FRMD4A: variants seen among roughly 807,000 people sequenced by gnomAD.
FRMD4A encodes FERM domain-containing protein 4A.
In FRMD4A, 29 loss-of-function variants were observed where a neutral mutation model predicts 129.1. The observed-to-expected ratio is 0.22, with a 90% CI of 0.17 to 0.31. FRMD4A has a LOEUF of 0.31. Ranked by LOEUF, FRMD4A falls within the 10% of genes least tolerant of loss-of-function variation. The probability of loss-of-function intolerance (pLI) is 1.00; values close to 1 mark genes in which losing one functional copy is unlikely to be tolerated. For synonymous variants in FRMD4A, 634 were observed against 571.6 expected (o/e 1.11, Z -1.56); for missense variants, 1,272 against 1,375.8 (o/e 0.92, Z 1.19).
chr10:13,751,189 G>A (rs554259166), intron 8 of FRMD4A, among the ~76,000 whole-genome samples: 6 of 152,294 alleles, frequency 3.9e-5, no homozygotes, highest in East Asian at 3.9e-4. Context: ...GGAAGGGATC[G>A]TTTTACCCAC....
chr10:14,013,402 G>C (rs1441303796), intron 2 of FRMD4A, among the ~76,000 whole-genome samples: 1 of 152,128 alleles, frequency 6.6e-6, no homozygotes, highest in East Asian at 1.9e-4. Flanking sequence ...CTGAGAAGCA[G>C]GTTTGAAATC....
At chr10:14,190,956 G>A (rs921563745) in intron 2 of FRMD4A, among the ~76,000 whole-genome samples, 2 of 152,196 alleles carry the variant, frequency 1.3e-5, no homozygotes, top group African/African-American at 4.8e-5. Context: ...ACATGGGTGG[G>A]AATTCAGGCT....
At chr10:14,229,092 T>C (rs1212117052) in intron 2 of FRMD4A, among the ~76,000 whole-genome samples, 3 of 152,020 alleles carry the variant, frequency 2.0e-5, no homozygotes, top group Non-Finnish European at 2.9e-5. Flanking sequence ...TTCTTGTTTT[T>C]TTTTTGTTTG....
rs554391589 is a variant in FRMD4A, at chr10:13,824,984, C to T, written c.112-14076G>A. 9.5e-4 allele frequency among the ~76,000 whole-genome samples: 144 copies of T among 151,544 alleles called. 1 individual carries two copies. The highest frequency in any genetic ancestry group is 3.4e-3 in the African/African-American group (139 of 41,312). ...TAGGTTATATGCAAATGACATCACA[C>T]TTTGCAGTCATTTTTCCCTCATTCC... On this transcript the variant is annotated intron_variant, in intron 3 of 24. Coordinates refer to ENST00000357447, the MANE Select transcript of FRMD4A (RefSeq NM_018027.5).
chr10:13,762,039 A>G (rs1372570804), intron 7 of FRMD4A, among the ~76,000 whole-genome samples: 1 of 152,218 alleles, frequency 6.6e-6, no homozygotes, highest in East Asian at 1.9e-4. Flanking sequence ...ATTTTATGCT[A>G]GTTCCCAATT....
intron 2 of FRMD4A, among the ~76,000 whole-genome samples, 194 bp from the exon 3 acceptor site, chr10:13,859,106 G>A (rs1371902344): frequency 1.3e-5 from 2 of 152,188 alleles, no homozygotes; most frequent in African/African-American, 2.4e-5. Context: ...GGCCGGGCGC[G>A]GTGGCTCACG....
chr10:14,192,519 T>C (rs932914087), intron 2 of FRMD4A, among the ~76,000 whole-genome samples: 1 of 152,240 alleles, frequency 6.6e-6, no homozygotes, highest in Non-Finnish European at 1.5e-5. Flanking sequence ...CTTTTATTCT[T>C]GCAGCATCAG....
intron 2 of FRMD4A, among the ~76,000 whole-genome samples, chr10:14,223,764 AGAGAG>A (rs533731355): frequency 8.8e-6 from 1 of 114,248 alleles, no homozygotes; most frequent in Non-Finnish European, 1.7e-5. Context: ...AAAAAAAAAA[AGAGAG>A]AGAGAGAGAG....
chr10:13,664,931 G>A (rs938750706), intron 18 of FRMD4A, among the ~76,000 whole-genome samples: 1 of 152,058 alleles, frequency 6.6e-6, no homozygotes, highest in South Asian at 2.1e-4. Context: ...TGCCCAGGCT[G>A]GAGTGCAATG....
At chr10:13,891,817 C>A in intron 2 of FRMD4A, 1 of 860,312 alleles carries the variant, frequency 1.2e-6, no homozygotes, top group Non-Finnish European at 1.4e-6. Flanking sequence ...GCCCATAGCC[C>A]GCTCGCGCCT....
At chr10:14,016,075 G>C (rs11258797) in intron 2 of FRMD4A, among the ~76,000 whole-genome samples, 57,800 of 152,102 alleles carry the variant, frequency 0.38, 13,322 homozygotes, top group Non-Finnish European at 0.53. Context: ...GCTCCTCTCT[G>C]TGATGAGGCG....
chr10:13,915,504 C>T (rs2094991294), intron 2 of FRMD4A, among the ~76,000 whole-genome samples: 1 of 151,646 alleles, frequency 6.6e-6, no homozygotes, highest in Non-Finnish European at 1.5e-5. Flanking sequence ...AACCCCGTCT[C>T]TACTAAAAAT....
At chr10:13,955,112 CTTTT>C (rs71388139) in intron 2 of FRMD4A, among the ~76,000 whole-genome samples, 1 of 102,974 alleles carries the variant, frequency 9.7e-6, no homozygotes, top group Non-Finnish European at 1.8e-5. Context: ...AATAATTCTG[CTTTT>C]TTTTTTTTTG....
rs550740354 is a variant in FRMD4A at position 14,282,738 on chromosome 10, C to G, written c.45+47320G>C. On this transcript the variant is annotated intron_variant, in intron 2 of 24. Coordinates refer to ENST00000357447, the MANE Select transcript of FRMD4A (RefSeq NM_018027.5). ...CACAGGTTTAATGAGAACACATCTA[C>G]AAAGGGACCTGCACAAGTTTGTTCA... Among the ~76,000 whole-genome samples, 3 of 152,302 alleles carry G rather than the reference C, an allele frequency of 2.0e-5. No homozygotes were observed. In the South Asian group the frequency reaches 6.2e-4, roughly 32 times the overall value.
intron 12 of FRMD4A, chr10:13,729,317 G>A (rs1055843881): frequency 6.6e-6 from 1 of 152,288 alleles, no homozygotes; most frequent in African/African-American, 2.4e-5. Context: ...CAAGGGGAAT[G>A]TGGATGCTGG....
chr10:13,863,818 T>G (rs2094326736), intron 2 of FRMD4A, among the ~76,000 whole-genome samples: 1 of 152,096 alleles, frequency 6.6e-6, no homozygotes, highest in African/African-American at 2.4e-5. Flanking sequence ...TGACCCTATT[T>G]GGAGAGGTGC....
intron 2 of FRMD4A, among the ~76,000 whole-genome samples, chr10:14,001,245 G>A (rs893924267): frequency 6.6e-6 from 1 of 152,164 alleles, no homozygotes; most frequent in Non-Finnish European, 1.5e-5. Flanking sequence ...GGTACAGATG[G>A]GTTCTTAAAA....
chr10:14,302,873 C>A (rs527977842), intron 2 of FRMD4A, among the ~76,000 whole-genome samples: 131 of 152,272 alleles, frequency 8.6e-4, no homozygotes, highest in Non-Finnish European at 1.4e-3. Context: ...AGCCCTATAT[C>A]AAGGCAGAGG....
chr10:13,715,127 C>T (rs1702717656), intron 12 of FRMD4A, among the ~76,000 whole-genome samples: 1 of 152,116 alleles, frequency 6.6e-6, no homozygotes, highest in South Asian at 2.1e-4. Flanking sequence ...AATCAGTATT[C>T]ATGACTCTTG....
Sources: allele counts gnomAD v4.1 joint callset (sites outside exome capture counted in the v4.1 genomes callset), GRCh38; gene constraint gnomAD v4.1.1; transcripts MANE v1.5; gene names NCBI Gene and HGNC (gene_info 2026-07-23, HGNC 2026-07-21).